The following FAM228A variants were observed in gnomAD, a reference collection of about 807,000 sequenced individuals.
FAM228A encodes family with sequence similarity 228 member A, also known as protein FAM228A.
A neutral mutation model predicts 18.6 loss-of-function variants in FAM228A; 13 were observed. The ratio of observed to expected loss-of-function variants is 0.70; its 90% confidence interval spans 0.45 to 1.11. The LOEUF is 1.11. FAM228A is among the 50% of genes least tolerant of loss of function. FAM228A has a pLI of 0.00. For synonymous variants in FAM228A, 77 were observed against 86.6 expected, an observed-to-expected ratio of 0.89 and a Z score of 0.61; for missense variants, 240 against 242.2, an observed-to-expected ratio of 0.99 and a Z score of 0.06.
intron 5 of FAM228A, among the ~76,000 whole-genome samples, chr2:24,190,161 G>A (rs527358765): frequency 5.8e-4 from 89 of 152,252 alleles, no homozygotes; most frequent in Admixed American, 2.4e-3. Context: ...CAGCCATAGG[G>A]ATTGAAGCTC....
intron 2 of FAM228A, 103 bp from the exon 3 acceptor site, chr2:24,177,699 C>A: frequency 1.6e-6 from 1 of 644,786 alleles, no homozygotes; most frequent in Non-Finnish European, 2.6e-6. Flanking sequence ...ACCAAATAAG[C>A]CTCAAGATTT....
At chr2:24,187,671 G>A (rs1043554007) in intron 5 of FAM228A, among the ~76,000 whole-genome samples, 3 of 152,046 alleles carry the variant, frequency 2.0e-5, no homozygotes, top group Non-Finnish European at 2.9e-5. Flanking sequence ...TCATATGGTT[G>A]GAATCATACA....
chr2:24,179,971 G>T (rs1667777652), intron 3 of FAM228A, among the ~76,000 whole-genome samples: 1 of 152,134 alleles, frequency 6.6e-6, no homozygotes. Flanking sequence ...TAGGTATTAG[G>T]ACTAACAGTT....
At chr2:24,182,827 C>T (rs944888518) in intron 3 of FAM228A, among the ~76,000 whole-genome samples, 7 of 152,068 alleles carry the variant, frequency 4.6e-5, no homozygotes, top group African/African-American at 1.2e-4. Flanking sequence ...CACAGTAGAG[C>T]GCTTAACAGA....
intron 3 of FAM228A, among the ~76,000 whole-genome samples, chr2:24,180,726 A>C (rs1048247980): frequency 6.6e-6 from 1 of 152,192 alleles, no homozygotes; most frequent in Admixed American, 6.5e-5. Flanking sequence ...AAGAAAACAT[A>C]CATCTCTCAG....
intron 2 of FAM228A, among the ~76,000 whole-genome samples, chr2:24,176,914 G>A (rs1449848917): frequency 6.6e-6 from 1 of 152,168 alleles, no homozygotes; most frequent in Non-Finnish European, 1.5e-5. Flanking sequence ...AGAGATTAGT[G>A]CATAGTGATC....
intron 5 of FAM228A, 26 bp from the exon 6 acceptor site, chr2:24,190,386 A>C: frequency 6.3e-7 from 1 of 1,575,060 alleles, no homozygotes; most frequent in Non-Finnish European, 8.6e-7. Flanking sequence ...CTGAATCGAG[A>C]CAATTTTTTC....
At position 24,183,504 on chromosome 2, in the gene FAM228A, A is replaced by G. The variant is rs755852648; in HGVS notation, c.260A>G (p.His87Arg). 20 of 1,610,124 alleles carry G rather than the reference A, an allele frequency of 1.2e-5. No individual in the cohort carries two copies. In the South Asian group the frequency reaches 2.1e-4, roughly 17 times the overall value. ...TGLQCETGKRHSIKELEEIEK... is the reference protein window; with the variant it reads ...TGLQCETGKRRSIKELEEIEK... ...TTTTATCTTCCTGTAGGAAAACGACATTCCATAAAAGAACTTGAAGAAATA... is the reference window on the plus strand; with the variant it reads ...TTTTATCTTCCTGTAGGAAAACGACGTTCCATAAAAGAACTTGAAGAAATA... Residue 87 changes from histidine to arginine, a missense_variant, in exon 5 of 6, where the codon CAT (histidine) becomes CGT (arginine). His to Arg is a conservative substitution (Grantham distance 29, BLOSUM62 0). Coordinates refer to ENST00000295150, the MANE Select transcript of FAM228A (RefSeq NM_001040710.3).
At chr2:24,177,296 C>G (rs1168063362) in intron 2 of FAM228A, among the ~76,000 whole-genome samples, 1 of 152,114 alleles carries the variant, frequency 6.6e-6, no homozygotes, top group Non-Finnish European at 1.5e-5. Context: ...AGAAATTAGC[C>G]AGCTGTGGTG....
chr2:24,175,301 C>T (rs1288293357), intron 1 of FAM228A, 127 bp downstream of exon 1: 2 of 612,330 alleles, frequency 3.3e-6, no homozygotes, highest in Non-Finnish European at 2.9e-6. Context: ...AGTGGGTAGC[C>T]GGGCCTGTTG....
chr2:24,183,100 A>G (rs892717031), intron 3 of FAM228A, among the ~76,000 whole-genome samples, 185 bp from the exon 4 acceptor site: 1 of 152,004 alleles, frequency 6.6e-6, no homozygotes, highest in African/African-American at 2.4e-5. Flanking sequence ...TTGGGGTGCA[A>G]TTGAATCTGT....
chr2:24,187,807 C>T (rs1197189412), intron 5 of FAM228A, among the ~76,000 whole-genome samples: 1 of 152,314 alleles, frequency 6.6e-6, no homozygotes, highest in South Asian at 2.1e-4. Flanking sequence ...ATTGAGAAGT[C>T]ACTTGCTAGT....
intron 3 of FAM228A, among the ~76,000 whole-genome samples, chr2:24,181,265 A>G (rs1667809848): frequency 6.6e-6 from 1 of 152,234 alleles, no homozygotes; most frequent in Non-Finnish European, 1.5e-5. Flanking sequence ...GGCTTTTATA[A>G]TATGAATCTT....
intron 2 of FAM228A, among the ~76,000 whole-genome samples, chr2:24,176,927 A>G (rs1378804221): frequency 6.6e-6 from 1 of 152,228 alleles, no homozygotes; most frequent in Non-Finnish European, 1.5e-5. Context: ...TAGTGATCCA[A>G]CTGAAAAAGC....
chr2:24,183,655 A>G lies in FAM228A; in HGVS notation c.401+10A>G. 1 of 1,568,828 alleles carries G rather than the reference A, an allele frequency of 6.4e-7. No homozygotes were observed. The highest frequency in any genetic ancestry group is 8.6e-7 in the Non-Finnish European group (1 of 1,157,866). On this transcript the variant is annotated intron_variant, in intron 5 of 5. Coordinates refer to ENST00000295150, the MANE Select transcript of FAM228A (RefSeq NM_001040710.3). ...AAACTTACAAATACAGGTACAGATG[A>G]GCAGAACAAACAAATATTTGTTTAA...
At chr2:24,180,665 A>G (rs1322991576) in intron 3 of FAM228A, among the ~76,000 whole-genome samples, 1 of 152,154 alleles carries the variant, frequency 6.6e-6, no homozygotes, top group Non-Finnish European at 1.5e-5. Flanking sequence ...AGTCCAAGTA[A>G]TTTTAAATGT....
chr2:24,190,212 A>C (rs963163784), intron 5 of FAM228A, among the ~76,000 whole-genome samples, 200 bp from the exon 6 acceptor site: 7 of 152,078 alleles, frequency 4.6e-5, no homozygotes, highest in African/African-American at 1.7e-4. Context: ...AGGGTCCCCA[A>C]GTCACCACCT....
chr2:24,187,295 G>A (rs11892632), intron 5 of FAM228A, among the ~76,000 whole-genome samples: 3,210 of 151,850 alleles, frequency 0.021, 32 homozygotes, highest in South Asian at 0.046. Context: ...TTTATTTTTC[G>A]TAACAAATTT....
intron 5 of FAM228A, among the ~76,000 whole-genome samples, chr2:24,186,918 T>C (rs10173725): frequency 0.84 from 127,663 of 152,222 alleles, 55,123 homozygotes; most frequent in Non-Finnish European, 0.93. Flanking sequence ...GATTTACAGA[T>C]GTGAGCCTCT....
Sources: allele counts gnomAD v4.1 joint callset (sites outside exome capture counted in the v4.1 genomes callset), GRCh38; gene constraint gnomAD v4.1.1; transcripts MANE v1.5; gene names NCBI Gene and HGNC (gene_info 2026-07-23, HGNC 2026-07-21).